Variants in DOCK3 observed in about 807,000 individuals in gnomAD.
DOCK3 encodes the protein dedicator of cytokinesis 3, also known as dedicator of cytokinesis protein 3.
In DOCK3, 60 loss-of-function variants were observed where a neutral mutation model predicts 265.6. That is an observed-to-expected ratio of 0.23 (90% CI 0.18 to 0.28). The LOEUF (loss-of-function observed/expected upper bound fraction) is 0.28, where lower values mean the gene tolerates loss of function less well. Ranked by LOEUF, DOCK3 falls within the 10% of genes least tolerant of loss-of-function variation. DOCK3 has a pLI of 1.00. For missense variants in DOCK3, 1,981 were observed against 2,594.3 expected (o/e 0.76, Z 5.14); for synonymous variants, 881 against 938.0 (o/e 0.94, Z 1.11).
intron 14 of DOCK3, among the ~76,000 whole-genome samples, chr3:51,216,749 A>C (rs2089809790): frequency 6.6e-6 from 1 of 152,190 alleles, no homozygotes; most frequent in African/African-American, 2.4e-5. Context: ...GTCCTATTGG[A>C]TCAACAGGAA....
intron 5 of DOCK3, among the ~76,000 whole-genome samples, chr3:51,006,655 G>A (rs1370105494): frequency 6.6e-6 from 1 of 152,036 alleles, no homozygotes; most frequent in African/African-American, 2.4e-5. Context: ...TTAAGTTCTA[G>A]GGTACACATG....
chr3:51,067,391 A>G (rs2081629571), intron 6 of DOCK3, among the ~76,000 whole-genome samples: 3 of 150,214 alleles, frequency 2.0e-5, no homozygotes, highest in Non-Finnish European at 4.4e-5. Context: ...TTACAGGGCT[A>G]TTCCAATTTC....
At chr3:50,842,857 G>A (rs2045905214) in intron 3 of DOCK3, among the ~76,000 whole-genome samples, 1 of 152,154 alleles carries the variant, frequency 6.6e-6, no homozygotes, top group African/African-American at 2.4e-5. Flanking sequence ...AGTTAGAACT[G>A]GAATAAATGA....
chr3:50,773,289 A>G (rs924842659), intron 1 of DOCK3, among the ~76,000 whole-genome samples: 10 of 152,140 alleles, frequency 6.6e-5, no homozygotes, highest in East Asian at 5.8e-4. Flanking sequence ...ATCAACTCAC[A>G]ATGGGCTAAA....
intron 13 of DOCK3, among the ~76,000 whole-genome samples, chr3:51,212,431 GT>G (rs1198836971): frequency 0.011 from 1,270 of 112,216 alleles, 16 homozygotes; most frequent in Admixed American, 0.052. Flanking sequence ...TACACCCACT[GT>G]TTTTTTTTTT....
chr3:51,323,820 G>C (rs544039784), intron 32 of DOCK3, among the ~76,000 whole-genome samples: 1 of 152,036 alleles, frequency 6.6e-6, no homozygotes, highest in African/African-American at 2.4e-5. Flanking sequence ...CAGAAGACAA[G>C]AAATAACTAA....
intron 10 of DOCK3, among the ~76,000 whole-genome samples, chr3:51,158,473 G>A (rs1021223375): frequency 1.3e-5 from 2 of 152,138 alleles, no homozygotes. Context: ...TTGACCCAGA[G>A]GACAAGGCTG....
At position 50,759,212 on chromosome 3, in the gene DOCK3, TATTTA is replaced by T. The variant is rs555708164; in HGVS notation, c.38-19456_38-19452del. Among the ~76,000 whole-genome samples, 11 of 152,244 alleles carry T rather than the reference TATTTA, an allele frequency of 7.2e-5. No homozygotes were observed. The South Asian group carries it at 2.3e-3, about 32-fold the overall frequency. On this transcript the variant is annotated intron_variant, in intron 1 of 52. Transcript: ENST00000266037. ...TAGATATTTAATTAACTAAATTAAG[TATTTA>T]ATTTAAATTCTTTTTAAATTAAAAT...
intron 1 of DOCK3, chr3:50,720,046 G>T: frequency 4.5e-6 from 1 of 224,638 alleles, no homozygotes; most frequent in Admixed American, 5.1e-5. Flanking sequence ...CTGCTTTGTG[G>T]TGAAAACATT....
chr3:50,872,926 C>T (rs1433181650), intron 3 of DOCK3, among the ~76,000 whole-genome samples: 1 of 152,210 alleles, frequency 6.6e-6, no homozygotes, highest in East Asian at 1.9e-4. Context: ...GAATCACCTT[C>T]ATGGCAGTGG....
chr3:51,188,261 A>T (rs2087734461), intron 12 of DOCK3, among the ~76,000 whole-genome samples: 1 of 152,366 alleles, frequency 6.6e-6, no homozygotes, highest in Admixed American at 6.5e-5. Context: ...AATGAAGTTT[A>T]TTAAATATGC....
chr3:51,235,694 C>A (rs1301489526), intron 19 of DOCK3, among the ~76,000 whole-genome samples: 1 of 152,142 alleles, frequency 6.6e-6, no homozygotes, highest in Non-Finnish European at 1.5e-5. Context: ...TTTTTGAAGG[C>A]TGCAAGTGTC....
chr3:51,357,946 T>C lies in DOCK3; in HGVS notation c.4768-15T>C. 6.2e-7 allele frequency: 1 copy of C among 1,613,960 alleles called. No individual in the cohort carries two copies. Among genetic ancestry groups the C allele is most frequent in the East Asian group, 2.2e-5 (1 of 44,886 alleles). On this transcript the variant is annotated splice_polypyrimidine_tract_variant and intron_variant, in intron 45 of 52. Transcript: ENST00000266037. ...CTCATGGTTCACAGAGTGGCCTTGTTTGTGACTCTGATAGGTTCATGTCCT... is the reference window on the plus strand; with the variant it reads ...CTCATGGTTCACAGAGTGGCCTTGTCTGTGACTCTGATAGGTTCATGTCCT...
At chr3:50,933,224 T>C (rs9831449) in intron 4 of DOCK3, among the ~76,000 whole-genome samples, 1 of 152,172 alleles carries the variant, frequency 6.6e-6, no homozygotes, top group African/African-American at 2.4e-5. Context: ...CCAAACCATA[T>C]CAGTACCTTT....
At chr3:51,253,127 G>GT (rs1277862430) in intron 22 of DOCK3, among the ~76,000 whole-genome samples, 5 of 152,128 alleles carry the variant, frequency 3.3e-5, no homozygotes, top group Non-Finnish European at 5.9e-5. Flanking sequence ...TAATCATGTG[G>GT]TTTTTTGTCT....
chr3:50,829,387 T>G (rs2044988044), intron 2 of DOCK3, among the ~76,000 whole-genome samples: 2 of 152,232 alleles, frequency 1.3e-5, no homozygotes, highest in Admixed American at 1.3e-4. Flanking sequence ...TGGGGTTTCT[T>G]GGAATCCTGT....
At chr3:50,951,229 G>A (rs2076583355) in intron 5 of DOCK3, among the ~76,000 whole-genome samples, 1 of 152,092 alleles carries the variant, frequency 6.6e-6, no homozygotes, top group Non-Finnish European at 1.5e-5. Flanking sequence ...AAGTGACTTG[G>A]TAACACACTG....
chr3:51,227,572 C>T (rs192894659), intron 16 of DOCK3, 127 bp downstream of exon 16: 2 of 1,355,330 alleles, frequency 1.5e-6, no homozygotes, highest in Non-Finnish European at 2.0e-6. Flanking sequence ...AACAGCTACT[C>T]AGAGATGGGA....
chr3:51,164,580 C>T (rs924963808), intron 12 of DOCK3, among the ~76,000 whole-genome samples: 1 of 146,678 alleles, frequency 6.8e-6, no homozygotes, highest in Admixed American at 6.9e-5. Flanking sequence ...GCTGAGATGG[C>T]GCCACTGCAC....
Sources: gnomAD v4.1 joint callset for allele counts (sites outside exome capture counted in the v4.1 genomes callset) on GRCh38, gnomAD v4.1.1 for gene constraint, MANE v1.5 for transcripts, NCBI Gene and HGNC (gene_info 2026-07-23, HGNC 2026-07-21) for gene names.